The following GJB7 variants were observed in gnomAD, a reference collection of about 807,000 sequenced individuals.
The protein encoded by GJB7 is gap junction protein beta 7.
For missense variants in GJB7, 253 were observed against 256.8 expected (o/e 0.99, Z 0.10); for synonymous variants, 87 against 95.2 (o/e 0.91, Z 0.50).
intron 2 of GJB7, among the ~76,000 whole-genome samples, chr6:87,309,022 G>A (rs1384222022): frequency 6.6e-6 from 1 of 152,208 alleles, no homozygotes; most frequent in African/African-American, 2.4e-5. Context: ...TACTGGAAGT[G>A]TCCCTCTGGC....
intron 2 of GJB7, among the ~76,000 whole-genome samples, chr6:87,320,729 A>G (rs1776644942): frequency 6.6e-6 from 1 of 152,180 alleles, no homozygotes; most frequent in Non-Finnish European, 1.5e-5. Context: ...GAATTCAAAG[A>G]TTTTTCACAT....
chr6:87,288,919 A>G (rs558537716), intron 2 of GJB7, among the ~76,000 whole-genome samples: 2 of 152,194 alleles, frequency 1.3e-5, no homozygotes, highest in South Asian at 2.1e-4. Context: ...GCCCTCTCCA[A>G]CCCATTATCC....
intron 2 of GJB7, among the ~76,000 whole-genome samples, chr6:87,287,786 G>A (rs909849196): frequency 2.6e-5 from 4 of 152,096 alleles, no homozygotes; most frequent in African/African-American, 9.7e-5. Flanking sequence ...GTAAGAGACT[G>A]TGTTGCTAAA....
At chr6:87,299,234 C>G (rs940918623) in intron 2 of GJB7, 7 of 454,934 alleles carry the variant, frequency 1.5e-5, no homozygotes, top group Admixed American at 4.9e-5. Flanking sequence ...GCTGTCTGAA[C>G]CATGACAACC....
At chr6:87,310,999 C>G (rs905090346) in intron 2 of GJB7, among the ~76,000 whole-genome samples, 1 of 152,128 alleles carries the variant, frequency 6.6e-6, no homozygotes, top group Non-Finnish European at 1.5e-5. Flanking sequence ...AAGGAATAAA[C>G]TTCTTGTAAG....
intron 2 of GJB7, chr6:87,322,199 A>G (rs1173408731): frequency 6.6e-6 from 1 of 152,202 alleles, no homozygotes; most frequent in Non-Finnish European, 1.5e-5. Flanking sequence ...CTACACTTAA[A>G]TGACTGTTCC....
At chr6:87,319,173 C>T (rs1776623945) in intron 2 of GJB7, among the ~76,000 whole-genome samples, 1 of 152,132 alleles carries the variant, frequency 6.6e-6, no homozygotes, top group Non-Finnish European at 1.5e-5. Flanking sequence ...TATTGATGGC[C>T]CTGCTCAAAA....
chr6:87,299,389 A>G, intron 2 of GJB7: 2 of 494,110 alleles, frequency 4.0e-6, no homozygotes, highest in Admixed American at 2.2e-5. Context: ...ATTAGAAATT[A>G]TTAAAGGCAT....
Position 87,284,631 on chromosome 6 carries a change from A to T in GJB7, c.282T>A (p.His94Gln), listed in dbSNP as rs774996041. Residue 94 changes from histidine (H) to glutamine (Q), a missense_variant, in exon 3 of 3, where the codon CAT becomes CAA. Physicochemically the swap from His to Gln is conservative, Grantham distance 24 (BLOSUM62 0). Transcript: ENST00000525899. ...TCTCTCTACCCTCATGATAGGCTAC[A>T]TGTAAAACCACCAGAAGTGAAGGTG... ...VSTPSLLVVL[H>Q]VAYHEGREKR... 6.2e-7 allele frequency: 1 copy of T among 1,614,190 alleles called. No individual in the cohort carries two copies. The highest frequency in any genetic ancestry group is 1.1e-5 in the South Asian group (1 of 91,084).
chr6:87,326,863 G>A (rs28895358), intron 1 of GJB7, among the ~76,000 whole-genome samples: 2,218 of 119,186 alleles, frequency 0.019, 83 homozygotes, highest in African/African-American at 0.076. Context: ...TGTTGACAGT[G>A]GGGTGTTAAA....
At chr6:87,327,436 T>G (rs1776855878) in intron 1 of GJB7, among the ~76,000 whole-genome samples, 1 of 152,226 alleles carries the variant, frequency 6.6e-6, no homozygotes, top group Admixed American at 6.5e-5. Flanking sequence ...AGGAGCTCTT[T>G]TAGGGCAGGC....
chr6:87,285,559 T>G (rs1408474387), intron 2 of GJB7, among the ~76,000 whole-genome samples: 1 of 152,198 alleles, frequency 6.6e-6, no homozygotes, highest in East Asian at 1.9e-4. Flanking sequence ...CATACCAAAT[T>G]TACCTTCTTT....
At position 87,305,551 on chromosome 6, in the gene GJB7, C is replaced by T. The variant is rs191865719; in HGVS notation, c.-28+17315G>A. On this transcript the variant is annotated intron_variant, in intron 2 of 2. Coordinates refer to ENST00000525899, the MANE Select transcript of GJB7 (RefSeq NM_198568.3). Reference sequence around the variant, plus strand: ...AGGATACAAACAAATGGAAGAACATCCCGTGCTCATGGATAGGAAGAATCA... The same window carrying T: ...AGGATACAAACAAATGGAAGAACATTCCGTGCTCATGGATAGGAAGAATCA... 1.9e-3 allele frequency among the ~76,000 whole-genome samples: 282 copies of T among 152,194 alleles called. 1 individual carries two copies. The highest frequency in any genetic ancestry group is 6.4e-3 in the African/African-American group (266 of 41,542).
chr6:87,301,989 T>G (rs1238463144), intron 2 of GJB7, among the ~76,000 whole-genome samples: 1 of 152,126 alleles, frequency 6.6e-6, no homozygotes, highest in South Asian at 2.1e-4. Context: ...GAAGGAAAAC[T>G]AACAAACACA....
intron 2 of GJB7, among the ~76,000 whole-genome samples, chr6:87,298,363 G>A (rs1336153645): frequency 6.6e-6 from 1 of 152,214 alleles, no homozygotes; most frequent in Non-Finnish European, 1.5e-5. Context: ...CAAGAGGAAA[G>A]TGAATACTGT....
chr6:87,319,960 T>G (rs532504051), intron 2 of GJB7, among the ~76,000 whole-genome samples: 1 of 152,028 alleles, frequency 6.6e-6, no homozygotes, highest in Non-Finnish European at 1.5e-5. Context: ...AGATACAAAT[T>G]AAAACAAAAG....
intron 2 of GJB7, among the ~76,000 whole-genome samples, chr6:87,315,795 CAAAAAAAAAA>C (rs1161194601): frequency 1.4e-5 from 1 of 72,354 alleles, no homozygotes; most frequent in South Asian, 5.1e-4. Context: ...GACTCTATCT[CAAAAAAAAAA>C]AAAAAAAAAA....
chr6:87,284,836 G>A lies in GJB7; in HGVS notation c.77C>T (p.Ala26Val), dbSNP rs771496956. The A allele has an allele frequency of 6.2e-7, 1 of 1,614,024 alleles. No homozygotes were observed. Among genetic ancestry groups the A allele is most frequent in the South Asian group, 1.1e-5 (1 of 91,068 alleles). Reference sequence around the variant, plus strand: ...CAGCAAACGGAAGACAAACACGACAGCCAGCCAAATCCATCCAGTCCCAGT... The same window carrying A: ...CAGCAAACGGAAGACAAACACGACAACCAGCCAAATCCATCCAGTCCCAGT... ...YSTGTGWIWL[A>V]VVFVFRLLVY... The change falls in exon 3 of 3, where the codon GCT (alanine) becomes GTT (valine). Residue 26 changes from alanine (A) to valine (V), a missense_variant. Physicochemically the swap from Ala to Val is moderately conservative, Grantham distance 64. Transcript: ENST00000525899.
At position 87,284,185 on chromosome 6, in the gene GJB7, G is replaced by T; in HGVS notation, c.*56C>A. 1.5e-6 allele frequency: 2 copies of T among 1,377,946 alleles called. No homozygotes were observed. Among genetic ancestry groups the T allele is most frequent in the Non-Finnish European group, 1.0e-6 (1 of 988,938 alleles). The allele number at this position is 1,377,946 out of a possible 1,614,324, so 85.4% of individuals were successfully genotyped here. ...GTTTATGGCCAAGTGTGAAGATTCT[G>T]GAGTAGGGGAGGGGTCCCTCTCCTA... On this transcript the variant is annotated 3_prime_UTR_variant, in exon 3 of 3. Transcript: ENST00000525899.
Sources: allele counts gnomAD v4.1 joint callset (sites outside exome capture counted in the v4.1 genomes callset), GRCh38; gene constraint gnomAD v4.1.1; transcripts MANE v1.5; gene names NCBI Gene and HGNC (gene_info 2026-07-23, HGNC 2026-07-21).